Variants in SHPK observed in about 807,000 individuals in gnomAD.
The protein encoded by SHPK is carbohydrate kinase-like protein.
In SHPK, 51 loss-of-function variants were observed where a neutral mutation model predicts 46.3. The observed-to-expected ratio is 1.10, with a 90% CI of 0.88 to 1.39. The LOEUF (loss-of-function observed/expected upper bound fraction) is 1.39. SHPK is among the 40% of genes most tolerant of loss of function. The pLI is 0.00. For missense variants in SHPK, 668 were observed against 641.3 expected, an observed-to-expected ratio of 1.04 and a Z score of -0.45; for synonymous variants, 290 against 273.9, an observed-to-expected ratio of 1.06 and a Z score of -0.58.
In SHPK at chr17:3,621,235, A is replaced by C; in HGVS notation, c.823+2T>G. 6.2e-7 allele frequency: 1 copy of C among 1,604,292 alleles called. No individual in the cohort carries two copies. The highest frequency in any genetic ancestry group is 1.3e-5 in the African/African-American group (1 of 74,598). On this transcript the variant is annotated splice_donor_variant, in intron 5 of 6. Coordinates refer to ENST00000225519, the MANE Select transcript of SHPK (RefSeq NM_013276.4). LOFTEE classifies it high-confidence loss of function. ...TGAGGACAGAACAAAAGAAAAACTT[A>C]CCTGCATCTGTCCTCTGGGCCATGC...
Position 3,610,521 on chromosome 17 carries a change from T to A in SHPK, c.*39A>T. 1 of 1,553,874 alleles carries A rather than the reference T, an allele frequency of 6.4e-7. No individual in the cohort carries two copies. The highest frequency in any genetic ancestry group is 8.7e-7 in the Non-Finnish European group (1 of 1,144,872). On this transcript the variant is annotated 3_prime_UTR_variant, in exon 7 of 7. Transcript: ENST00000225519. Reference sequence around the variant, plus strand: ...GATGGTGTCAGGAATGTTAATCAGGTAAAATTCACAGCAGTCGTTTGGCGA... The same window carrying A: ...GATGGTGTCAGGAATGTTAATCAGGAAAAATTCACAGCAGTCGTTTGGCGA...
Position 3,635,854 on chromosome 17 carries a change from G to C in SHPK, c.168+198C>G, listed in dbSNP as rs455605. On this transcript the variant is annotated intron_variant, in intron 1 of 6. Coordinates refer to ENST00000225519, the MANE Select transcript of SHPK (RefSeq NM_013276.4). ...AGGGGGCGGGGGGGAATCGGTCCCA[G>C]CAGGTGGGAAGGATTCTGGGACCAG... is the stretch of plus-strand genomic sequence containing the variant. 0.36 allele frequency among the ~76,000 whole-genome samples: 54,024 copies of C among 152,038 alleles called. 11,311 individuals are homozygous for C. The highest frequency in any genetic ancestry group is 0.47 in the Non-Finnish European group (31,780 of 67,918).
intron 2 of SHPK, among the ~76,000 whole-genome samples, chr17:3,625,989 G>T (rs1312987549): frequency 6.6e-6 from 1 of 152,120 alleles, no homozygotes; most frequent in East Asian, 1.9e-4. Flanking sequence ...GTAGGCGGAG[G>T]TTGCAGTGAG....
chr17:3,618,131 G>C lies in SHPK; in HGVS notation c.824-2594C>G, dbSNP rs965288923. The stretch of plus-strand genomic sequence containing the variant: ...TGTTTGTTTGTTTGTTTTTGAGACA[G>C]AGTCTCACTCTGTTGCCCAGGCTGG... On this transcript the variant is annotated intron_variant, in intron 5 of 6. Transcript: ENST00000225519. 7.2e-5 allele frequency among the ~76,000 whole-genome samples: 11 copies of C among 152,256 alleles called. 2 individuals are homozygous for C. The highest frequency in any genetic ancestry group is 1.9e-4 in the East Asian group (1 of 5,172).
At chr17:3,619,411 G>A (rs188119123) in intron 5 of SHPK, 16 of 1,551,444 alleles carry the variant, frequency 1.0e-5, no homozygotes, top group Middle Eastern at 1.7e-4. Context: ...AGGGCAACTC[G>A]GGACATAAAG....
In SHPK at chr17:3,623,981, C is replaced by T. The variant is rs1403067421; in HGVS notation, c.494+67G>A. 1.5e-5 allele frequency: 22 copies of T among 1,460,976 alleles called. No homozygotes were observed. In the African/African-American group the frequency reaches 1.7e-4, roughly 11 times the overall value. 90.5% of individuals were successfully genotyped at this position (1,460,976 alleles called of 1,614,324 possible). ...AGCCCAGCAGGCGGGGTGATGCTGA[C>T]GCAGCCCCGGCCTATTCTCATTCTC... On this transcript the variant is annotated intron_variant, in intron 3 of 6. Transcript: ENST00000225519.
At chr17:3,622,491 G>A (rs867505491) in intron 4 of SHPK, 1 of 627,430 alleles carries the variant, frequency 1.6e-6, no homozygotes, top group East Asian at 1.4e-4. Context: ...GTCACTCAGG[G>A]TTAGTGAATG....
Position 3,609,443 on chromosome 17 carries a change from G to A in SHPK, c.*1117C>T, listed in dbSNP as rs1977021. The A allele has an allele frequency of 0.033, 5,093 of 152,054 alleles. 99 individuals carry two copies. Among genetic ancestry groups the A allele is most frequent in the Middle Eastern group, 0.082 (24 of 294 alleles). 9.4% of individuals were successfully genotyped at this position (152,054 alleles called of 1,614,324 possible). A position where few individuals can be genotyped will look rare whatever the true frequency, so the allele number is the denominator to read the frequency against. On this transcript the variant is annotated 3_prime_UTR_variant, in exon 7 of 7. Transcript: ENST00000225519. ...CCTTTGGGAGTCTAGAAGTAGATGCGGCAATGGTGGCCCCCTCCTGGAAGC... is the reference window on the plus strand; with the variant it reads ...CCTTTGGGAGTCTAGAAGTAGATGCAGCAATGGTGGCCCCCTCCTGGAAGC...
Position 3,610,511 on chromosome 17 carries a change from G to A in SHPK, c.*49C>T, listed in dbSNP as rs374518562. On this transcript the variant is annotated 3_prime_UTR_variant, in exon 7 of 7. Transcript: ENST00000225519. ...ATGACCCACAGATGGTGTCAGGAATGTTAATCAGGTAAAATTCACAGCAGT... is the reference window on the plus strand; with the variant it reads ...ATGACCCACAGATGGTGTCAGGAATATTAATCAGGTAAAATTCACAGCAGT... The A allele has an allele frequency of 3.9e-6, 6 of 1,533,076 alleles. No individual in the cohort carries two copies. In the African/African-American group the frequency reaches 8.1e-5, roughly 21 times the overall value. 95.0% of individuals were successfully genotyped at this position (1,533,076 alleles called of 1,614,324 possible).
intron 4 of SHPK, among the ~76,000 whole-genome samples, chr17:3,622,324 A>C (rs1381792305): frequency 6.6e-6 from 1 of 152,218 alleles, no homozygotes; most frequent in East Asian, 1.9e-4. Context: ...GAAAACAAAC[A>C]ACATAGGCAG....
intron 1 of SHPK, among the ~76,000 whole-genome samples, chr17:3,634,874 G>A (rs536558326): frequency 8.0e-4 from 121 of 152,154 alleles, no homozygotes; most frequent in Middle Eastern, 6.8e-3. Context: ...GCAAGAGCTT[G>A]TGAAAAACAA....
At chr17:3,612,147 C>T (rs2075344126) in intron 6 of SHPK, among the ~76,000 whole-genome samples, 1 of 151,444 alleles carries the variant, frequency 6.6e-6, no homozygotes, top group Non-Finnish European at 1.5e-5. Flanking sequence ...AAAAAAAAGG[C>T]CAAGCGCGGT....
chr17:3,620,677 C>G (rs1195147611), intron 5 of SHPK, among the ~76,000 whole-genome samples: 2 of 152,144 alleles, frequency 1.3e-5, no homozygotes, highest in Non-Finnish European at 2.9e-5. Flanking sequence ...TTCTCTGCCT[C>G]AGCCTCCTGA....
At chr17:3,612,876 C>A (rs528139661) in intron 6 of SHPK, among the ~76,000 whole-genome samples, 3 of 152,038 alleles carry the variant, frequency 2.0e-5, no homozygotes, top group Admixed American at 6.6e-5. Flanking sequence ...CTCAGCCTCC[C>A]GAGTAGCTGG....
At chr17:3,622,459 C>A (rs1223148156) in intron 4 of SHPK, 1 of 398,106 alleles carries the variant, frequency 2.5e-6, no homozygotes, top group African/African-American at 2.2e-5. Flanking sequence ...ATGCAGCAGG[C>A]TCCTGAATAT....
Position 3,615,411 on chromosome 17 carries a change from A to T in SHPK, c.950T>A (p.Val317Glu), listed in dbSNP as rs2150867654. ...ATTGCCCCCGTTGAGTGACGCGGCC[A>T]CCCCCAGGTAGGTCCTGTTGAAGTA... The part of the protein sequence containing the change: ...FPYFNRTYLG[V>E]AASLNGGNVL... The change falls in exon 6 of 7, where the codon GTG (valine) becomes GAG (glutamate). Residue 317 changes from valine (V) to glutamate (E), a missense_variant. Transcript: ENST00000225519. 1 of 1,613,974 alleles carries T rather than the reference A, an allele frequency of 6.2e-7. No homozygotes were observed. The highest frequency in any genetic ancestry group is 1.3e-5 in the African/African-American group (1 of 74,972).
At chr17:3,618,070 T>A (rs1414645397) in intron 5 of SHPK, among the ~76,000 whole-genome samples, 1 of 152,218 alleles carries the variant, frequency 6.6e-6, no homozygotes, top group Non-Finnish European at 1.5e-5. Context: ...GGTGCTACCA[T>A]GATTCACAAA....
At position 3,608,735 on chromosome 17, in the gene SHPK, T is replaced by C. The variant is rs1432425057; in HGVS notation, c.*1825A>G. ...CCTGGGTGATTGGGAGACGTTTTTC[T>C]GGTAGAACACCAGGGCAAGGCTTTT... is the stretch of plus-strand genomic sequence containing the variant. On this transcript the variant is annotated 3_prime_UTR_variant, in exon 7 of 7. Transcript: ENST00000225519. The C allele has an allele frequency of 6.6e-6, 1 of 152,224 alleles. No homozygotes were observed. The highest frequency in any genetic ancestry group is 1.5e-5 in the Non-Finnish European group (1 of 68,030). The allele number at this position is 152,224 out of a possible 1,614,324, so 9.4% of individuals were successfully genotyped here.
intron 5 of SHPK, among the ~76,000 whole-genome samples, chr17:3,620,871 C>T (rs2075396459): frequency 6.6e-6 from 1 of 152,206 alleles, no homozygotes; most frequent in Non-Finnish European, 1.5e-5. Context: ...TCCTGCACTT[C>T]TAATCAGATC....
Sources: gnomAD v4.1 joint callset for allele counts (sites outside exome capture counted in the v4.1 genomes callset) on GRCh38, gnomAD v4.1.1 for gene constraint, MANE v1.5 for transcripts, NCBI Gene and HGNC (gene_info 2026-07-23, HGNC 2026-07-21) for gene names.